Variants in PCDHA7 observed in about 807,000 individuals in gnomAD.
PCDHA7 encodes the protein protocadherin alpha-7.
Under a neutral mutation model 57.2 loss-of-function variants are expected in PCDHA7, and 37 were observed. The ratio of observed to expected loss-of-function variants is 0.65; its 90% CI spans 0.50 to 0.85. The LOEUF is 0.85. PCDHA7 is among the 40% of genes least tolerant of loss of function. PCDHA7 has a pLI of 0.00. For synonymous variants in PCDHA7, 553 were observed against 558.8 expected (o/e 0.99, Z 0.15); for missense variants, 1,188 against 1,241.8 (o/e 0.96, Z 0.65).
chr5:140,929,613 C>A, intron 1 of PCDHA7: 6 of 406,162 alleles, frequency 1.5e-5, no homozygotes, highest in Non-Finnish European at 2.7e-5. Flanking sequence ...AATAAAATAC[C>A]AAAATATTTT....
chr5:140,895,968 G>T lies in PCDHA7; in HGVS notation c.2355+59230G>T, dbSNP rs190056652. 4.1e-3 allele frequency among the ~76,000 whole-genome samples: 628 copies of T among 152,052 alleles called. 2 individuals are homozygous for T. Among genetic ancestry groups the T allele is most frequent in the Middle Eastern group, 6.8e-3 (2 of 294 alleles). On this transcript the variant is annotated intron_variant, in intron 1 of 3. Coordinates refer to ENST00000525929, the MANE Select transcript of PCDHA7 (RefSeq NM_018910.3). ...TGGGATTACAGGTGCCTGTCACCAG[G>T]CCTAGCTAATTTTTGTATTTTAAGT... is the stretch of plus-strand genomic sequence containing the variant.
At chr5:140,872,425 G>A (rs1280008446) in intron 1 of PCDHA7, among the ~76,000 whole-genome samples, 3 of 151,980 alleles carry the variant, frequency 2.0e-5, no homozygotes, top group African/African-American at 7.3e-5. Flanking sequence ...CCAAGAGTTC[G>A]AGGCCTGCCT....
chr5:140,966,205 CT>C, intron 1 of PCDHA7: 1 of 226,680 alleles, frequency 4.4e-6, no homozygotes. Flanking sequence ...GGCTTGACTG[CT>C]TTTCCCAGAC....
intron 1 of PCDHA7, chr5:140,881,433 T>A (rs1554172102): frequency 1.1e-6 from 1 of 872,990 alleles, no homozygotes; most frequent in African/African-American, 1.8e-5. Context: ...AGGCATATTT[T>A]ATAAAAACAG....
chr5:140,942,924 T>A (rs2093394309), intron 1 of PCDHA7, among the ~76,000 whole-genome samples: 1 of 151,518 alleles, frequency 6.6e-6, no homozygotes, highest in African/African-American at 2.4e-5. Context: ...AAAAAAAAAA[T>A]TGAAAAAGAG....
intron 3 of PCDHA7, among the ~76,000 whole-genome samples, chr5:141,000,371 C>G (rs868969531): frequency 6.1e-5 from 3 of 49,260 alleles, no homozygotes; most frequent in Admixed American, 2.7e-4. Flanking sequence ...GTCTCTCTCT[C>G]TCTCTCTCTC....
intron 1 of PCDHA7, among the ~76,000 whole-genome samples, chr5:140,945,145 T>C (rs1310475283): frequency 2.6e-5 from 4 of 152,128 alleles, no homozygotes; most frequent in African/African-American, 2.4e-5. Flanking sequence ...CAATAGCATT[T>C]CTATACACTA....
In PCDHA7 at chr5:140,843,275, A is replaced by T. The variant is rs1225687958; in HGVS notation, c.2355+6537A>T. 5 of 1,595,844 alleles carry T rather than the reference A, an allele frequency of 3.1e-6. No individual in the cohort carries two copies. In the Admixed American group the frequency reaches 5.1e-5, roughly 16 times the overall value. On this transcript the variant is annotated intron_variant, in intron 1 of 3. Coordinates refer to ENST00000525929, the MANE Select transcript of PCDHA7 (RefSeq NM_018910.3). ...GCGCCACCGTCTGCTGGTCCTGGTGAAGGATCATGGTGAACCTGCGCTGAC... is the reference window on the plus strand; with the variant it reads ...GCGCCACCGTCTGCTGGTCCTGGTGTAGGATCATGGTGAACCTGCGCTGAC...
chr5:140,926,811 C>T, intron 1 of PCDHA7: 3 of 1,464,260 alleles, frequency 2.0e-6, no homozygotes, highest in Admixed American at 5.2e-5. Flanking sequence ...CCCCGCGGCT[C>T]GTGCTCTCCA....
Position 141,010,344 on chromosome 5 carries a change from G to C in PCDHA7, c.*407G>C. ...CAGCTTGGGAGTTTGTGGCCACTGG[G>C]TATGTGTGGCTACCGCGGGTATGCG... is the stretch of plus-strand genomic sequence containing the variant. On this transcript the variant is annotated 3_prime_UTR_variant, in exon 4 of 4. Transcript: ENST00000525929. 1 of 1,518,888 alleles carries C rather than the reference G, an allele frequency of 6.6e-7. No homozygotes were observed. Among genetic ancestry groups the C allele is most frequent in the Non-Finnish European group, 8.8e-7 (1 of 1,132,764 alleles). The allele number at this position is 1,518,888 out of a possible 1,614,324, so 94.1% of individuals were successfully genotyped here.
chr5:140,969,276 G>T, intron 1 of PCDHA7: 1 of 1,614,202 alleles, frequency 6.2e-7, no homozygotes, highest in Non-Finnish European at 8.5e-7. Context: ...GGCCAAAGTG[G>T]TCAGAATGCT....
intron 1 of PCDHA7, among the ~76,000 whole-genome samples, chr5:140,896,950 C>A (rs996950218): frequency 6.6e-6 from 1 of 152,106 alleles, no homozygotes; most frequent in Non-Finnish European, 1.5e-5. Context: ...TGGCCATTCC[C>A]TTAAACATTT....
At position 140,848,921 on chromosome 5, in the gene PCDHA7, C is replaced by A. The variant is rs149924043; in HGVS notation, c.2355+12183C>A. The A allele has an allele frequency of 2.3e-3, 3,692 of 1,607,738 alleles. 94 individuals carry two copies. Among genetic ancestry groups the A allele is most frequent in the Middle Eastern group, 9.4e-3 (57 of 6,032 alleles). On this transcript the variant is annotated intron_variant, in intron 1 of 3. Coordinates refer to ENST00000525929, the MANE Select transcript of PCDHA7 (RefSeq NM_018910.3). ...CAGCGACACAAAAGAATCTGTTCAT[C>A]GCGGAATCCAGGCCGCTTGACTCTC...
chr5:140,978,140 T>C (rs1379052059), intron 1 of PCDHA7, among the ~76,000 whole-genome samples: 2 of 152,222 alleles, frequency 1.3e-5, no homozygotes, highest in Non-Finnish European at 2.9e-5. Flanking sequence ...ATTTTCCTCT[T>C]TGTTCTCCCC....
In PCDHA7 at chr5:140,876,964, C is replaced by T. The variant is rs781890307; in HGVS notation, c.2355+40226C>T. ...GGTGTCCTACTCGCTGGTGGAGCGG[C>T]GGGTGGGCGAGCACGCACTGTCGAG... On this transcript the variant is annotated intron_variant, in intron 1 of 3. Coordinates refer to ENST00000525929, the MANE Select transcript of PCDHA7 (RefSeq NM_018910.3). 2.5e-6 allele frequency: 4 copies of T among 1,613,060 alleles called. No individual in the cohort carries two copies. The highest frequency in any genetic ancestry group is 3.4e-6 in the Non-Finnish European group (4 of 1,179,806).
intron 1 of PCDHA7, chr5:140,928,748 G>T (rs191251073): frequency 6.2e-7 from 1 of 1,614,114 alleles, no homozygotes; most frequent in Admixed American, 1.7e-5. Flanking sequence ...GGTGAGCTCC[G>T]TACTGCTCGC....
At chr5:140,854,178 A>ATT in intron 1 of PCDHA7, 1 of 531,178 alleles carries the variant, frequency 1.9e-6, no homozygotes, top group Non-Finnish European at 2.4e-6. Context: ...AAAAAAAAAG[A>ATT]GTAGTTTAAC....
chr5:140,990,895 G>A (rs550774822), intron 3 of PCDHA7, among the ~76,000 whole-genome samples: 15 of 152,284 alleles, frequency 9.9e-5, no homozygotes, highest in Non-Finnish European at 1.9e-4. Flanking sequence ...GTGGGTCGTT[G>A]CTGGGTCAAG....
chr5:140,968,080 G>A (rs782815703), intron 1 of PCDHA7: 14 of 1,614,102 alleles, frequency 8.7e-6, no homozygotes, highest in Middle Eastern at 1.7e-4. Context: ...ACAACATCAC[G>A]GTGACAGCCA....
Sources: allele counts gnomAD v4.1 joint callset (sites outside exome capture counted in the v4.1 genomes callset), GRCh38; gene constraint gnomAD v4.1.1; transcripts MANE v1.5; gene names NCBI Gene and HGNC (gene_info 2026-07-23, HGNC 2026-07-21).